The following NARF variants were observed in gnomAD, a reference collection of about 807,000 sequenced individuals.
NARF encodes iron-only hydrogenase-like protein 2.
A neutral mutation model predicts 48.0 loss-of-function variants in NARF; 41 were observed. The observed-to-expected ratio is 0.85, with a 90% CI of 0.66 to 1.11. NARF has a LOEUF of 1.11. Ranked by LOEUF, NARF falls within the 50% of genes least tolerant of loss-of-function variation. The pLI, the probability that NARF is intolerant of heterozygous loss-of-function variation, is 0.00. For missense variants in NARF, 613 were observed against 590.2 expected (o/e 1.04, Z -0.40); for synonymous variants, 215 against 225.5 (o/e 0.95, Z 0.42).
intron 10 of NARF, 89 bp from the exon 11 acceptor site, chr17:82,487,827 G>GGT: frequency 6.9e-7 from 1 of 1,440,932 alleles, no homozygotes; most frequent in Non-Finnish European, 9.5e-7. Flanking sequence ...CGGGCAAGGT[G>GGT]GTGTGTGTCT....
chr17:82,481,977 A>G (rs1444545027), intron 7 of NARF: 2 of 299,214 alleles, frequency 6.7e-6, no homozygotes, highest in Non-Finnish European at 1.3e-5. Context: ...GGTATTGGCC[A>G]CTCCTTTCAG....
At chr17:82,485,733 T>A in intron 10 of NARF, 79 bp downstream of exon 10, 1 of 1,536,666 alleles carries the variant, frequency 6.5e-7, no homozygotes. Context: ...GCCAGAGAGA[T>A]GGTGCTCTTG....
chr17:82,472,529 G>A (rs765206576), intron 4 of NARF, 35 bp from the exon 5 acceptor site: 6 of 1,549,250 alleles, frequency 3.9e-6, no homozygotes, highest in East Asian at 4.7e-5. Context: ...CTTTTAGTAC[G>A]TGATTTAAGC....
intron 4 of NARF, among the ~76,000 whole-genome samples, chr17:82,469,745 A>G (rs968284751): frequency 2.0e-5 from 3 of 152,082 alleles, no homozygotes; most frequent in African/African-American, 7.2e-5. Flanking sequence ...AGCTGGGACT[A>G]CAGGTGCGCG....
intron 2 of NARF, among the ~76,000 whole-genome samples, chr17:82,461,877 A>C (rs1428652653): frequency 1.3e-5 from 2 of 152,080 alleles, no homozygotes; most frequent in African/African-American, 4.8e-5. Context: ...TGCTGTGGGG[A>C]CTGTGGGGCT....
At chr17:82,472,493 A>C (rs562548582) in intron 4 of NARF, 71 bp from the exon 5 acceptor site, 1 of 1,497,076 alleles carries the variant, frequency 6.7e-7, no homozygotes. Context: ...CAAAAAAAAA[A>C]AAAAAGAGGA....
chr17:82,483,346 T>C, intron 7 of NARF: 1 of 314,388 alleles, frequency 3.2e-6, no homozygotes, highest in Non-Finnish European at 6.3e-6. Context: ...AACCAGTGTA[T>C]ATTTCATCAT....
intron 4 of NARF, 81 bp from the exon 5 acceptor site, chr17:82,472,483 C>CAA (rs533007162): frequency 5.3e-3 from 6,254 of 1,173,538 alleles, no homozygotes; most frequent in East Asian, 6.6e-3. Flanking sequence ...GACTCCGTCT[C>CAA]AAAAAAAAAA....
intron 10 of NARF, among the ~76,000 whole-genome samples, chr17:82,487,310 CCT>C (rs1234889465): frequency 6.6e-6 from 1 of 151,866 alleles, no homozygotes; most frequent in Non-Finnish European, 1.5e-5. Context: ...ATGGTAAAAC[CCT>C]GTCTCTACTA....
chr17:82,487,793 T>G, intron 10 of NARF, 123 bp from the exon 11 acceptor site: 28 of 400,978 alleles, frequency 7.0e-5, no homozygotes, highest in East Asian at 2.3e-4. Context: ...CCGCCCAATC[T>G]CTACAAAAAA....
intron 6 of NARF, 126 bp downstream of exon 6, chr17:82,479,044 CTG>C: frequency 1.3e-6 from 1 of 798,750 alleles, no homozygotes; most frequent in South Asian, 1.9e-5. Context: ...AAAAAGGAAG[CTG>C]TGGCTTCAGG....
At chr17:82,468,307 G>T (rs1044322466) in intron 3 of NARF, among the ~76,000 whole-genome samples, 32 of 131,746 alleles carry the variant, frequency 2.4e-4, no homozygotes, top group Non-Finnish European at 8.3e-5. Context: ...GTGAAACTCT[G>T]TTTTTTTTTT....
intron 6 of NARF, among the ~76,000 whole-genome samples, chr17:82,479,622 A>G (rs960332161): frequency 6.6e-6 from 1 of 152,194 alleles, no homozygotes; most frequent in Non-Finnish European, 1.5e-5. Flanking sequence ...GCTCTTCTCA[A>G]TCAGACTTTA....
Position 82,484,856 on chromosome 17 carries a change from G to T in NARF, c.877G>T (p.Ala293Ser). 6.2e-7 allele frequency: 1 copy of T among 1,612,212 alleles called. No homozygotes were observed. Among genetic ancestry groups the T allele is most frequent in the Non-Finnish European group, 8.5e-7 (1 of 1,179,100 alleles). ...GGACAAAGTGACGCGTCATGATGGA[G>T]CCAGCTCAGACGGGCACCTGGCACA... ...KEDKVTRHDG[A>S]SSDGHLAHIF... Residue 293 changes from alanine (A) to serine (S), a missense_variant, in exon 9 of 11, where the codon GCC becomes TCC. Coordinates refer to ENST00000309794, the MANE Select transcript of NARF (RefSeq NM_012336.4).
chr17:82,485,682 C>G (rs1287055397), intron 10 of NARF, 28 bp downstream of exon 10: 3 of 1,612,096 alleles, frequency 1.9e-6, no homozygotes, highest in East Asian at 2.2e-5. Context: ...GCACCTGGCT[C>G]TGTCTCCCAC....
In NARF at chr17:82,488,440, A is replaced by G; in HGVS notation, c.*283A>G. 3.0e-6 allele frequency: 1 copy of G among 328,032 alleles called. No homozygotes were observed. Among genetic ancestry groups the G allele is most frequent in the Non-Finnish European group, 5.6e-6 (1 of 177,938 alleles). The allele number at this position is 328,032 out of a possible 1,614,324, so 20.3% of individuals were successfully genotyped here. ...ACCCAGGCTGGAGTGCAATGGCGCA[A>G]TCTCAGCTCACTGCAACCTCTGCCT... is the stretch of plus-strand genomic sequence containing the variant. On this transcript the variant is annotated 3_prime_UTR_variant, in exon 11 of 11. Coordinates refer to ENST00000309794, the MANE Select transcript of NARF (RefSeq NM_012336.4).
At chr17:82,479,573 C>G (rs929495767) in intron 6 of NARF, among the ~76,000 whole-genome samples, 1 of 152,194 alleles carries the variant, frequency 6.6e-6, no homozygotes, top group Non-Finnish European at 1.5e-5. Context: ...GGACCCTAAT[C>G]CCATGGTTTA....
At chr17:82,473,459 C>G (rs1011795428) in intron 5 of NARF, among the ~76,000 whole-genome samples, 1 of 151,998 alleles carries the variant, frequency 6.6e-6, no homozygotes, top group Non-Finnish European at 1.5e-5. Flanking sequence ...GGAGTGCATC[C>G]TGCCTCACCC....
At chr17:82,460,430 A>T (rs1291940631) in intron 2 of NARF, 1 of 167,084 alleles carries the variant, frequency 6.0e-6, no homozygotes, top group Non-Finnish European at 1.3e-5. Context: ...GTACCACTGT[A>T]CTTCAGCCTG....
Sources: gnomAD v4.1 joint callset for allele counts (sites outside exome capture counted in the v4.1 genomes callset) on GRCh38, gnomAD v4.1.1 for gene constraint, MANE v1.5 for transcripts, NCBI Gene and HGNC (gene_info 2026-07-23, HGNC 2026-07-21) for gene names.